The following DDX1 variants were observed in gnomAD, a reference collection of about 807,000 sequenced individuals.
DDX1 encodes the protein DEAD-box helicase 1, also known as ATP-dependent RNA helicase DDX1.
In DDX1, 28 loss-of-function variants were observed where a neutral mutation model predicts 108.7. That is an observed-to-expected ratio of 0.26 (90% CI 0.19 to 0.35). The LOEUF is 0.35. DDX1 is among the 10% of genes least tolerant of loss of function. The pLI, the probability that DDX1 is intolerant of heterozygous loss-of-function variation, is 1.00. For synonymous variants in DDX1, 295 were observed against 288.9 expected (o/e 1.02, Z -0.21); for missense variants, 710 against 884.5 (o/e 0.80, Z 2.50).
intron 2 of DDX1, 128 bp from the exon 3 acceptor site, chr2:15,595,362 T>C (rs1244304956): frequency 7.8e-6 from 7 of 902,168 alleles, no homozygotes; most frequent in African/African-American, 1.7e-5. Flanking sequence ...CCTTGACATA[T>C]TTCTAGTGGA....
intron 4 of DDX1, 132 bp downstream of exon 4, chr2:15,596,895 G>A (rs565282216): frequency 2.7e-5 from 19 of 699,018 alleles, no homozygotes; most frequent in Non-Finnish European, 4.3e-5. Context: ...ACTTGCTACT[G>A]AAAATGATAT....
rs1314747020 is a variant in DDX1 at position 15,630,132 on chromosome 2, A to G, written c.2092+22A>G. On this transcript the variant is annotated intron_variant, in intron 25 of 25. Coordinates refer to ENST00000233084, the MANE Select transcript of DDX1 (RefSeq NM_004939.3). Reference sequence around the variant, plus strand: ...GGTGGTAAGCTTTGAATTATTTTAAATACAATTTTAAATGTAAATATACCT... The same window carrying G: ...GGTGGTAAGCTTTGAATTATTTTAAGTACAATTTTAAATGTAAATATACCT... 1.9e-6 allele frequency: 3 copies of G among 1,610,210 alleles called. No homozygotes were observed. In the African/African-American group the frequency reaches 4.0e-5, roughly 22 times the overall value.
rs1229280312 is a variant in DDX1 at position 15,610,807 on chromosome 2, C to G, written c.957-2417C>G. ...CTTTCGTGACTTTACCGCACTTCAG[C>G]AATAGATACAGCTACGGGGATTTAA... is the stretch of plus-strand genomic sequence containing the variant. On this transcript the variant is annotated intron_variant, in intron 13 of 25. Coordinates refer to ENST00000233084, the MANE Select transcript of DDX1 (RefSeq NM_004939.3). Among the ~76,000 whole-genome samples the G allele has an allele frequency of 2.1e-5, 3 of 142,526 alleles. No homozygotes were observed. In the South Asian group the frequency reaches 6.8e-4, roughly 32 times the overall value. The allele number at this position is 142,526 out of a possible 152,430, so 93.5% of individuals were successfully genotyped here.
At chr2:15,610,376 C>T (rs1417526986) in intron 13 of DDX1, among the ~76,000 whole-genome samples, 2 of 152,116 alleles carry the variant, frequency 1.3e-5, no homozygotes, top group African/African-American at 4.8e-5. Flanking sequence ...TTTGTGTTGT[C>T]TTCTGAGTTT....
At chr2:15,596,799 G>T in intron 4 of DDX1, 36 bp downstream of exon 4, 1 of 1,539,186 alleles carries the variant, frequency 6.5e-7, no homozygotes, top group Non-Finnish European at 8.9e-7. Flanking sequence ...CTCTCTAAAA[G>T]TTGAATTTTA....
chr2:15,599,852 A>T, intron 6 of DDX1, 136 bp downstream of exon 6: 1 of 595,052 alleles, frequency 1.7e-6, no homozygotes, highest in Admixed American at 3.3e-5. Context: ...TAAACAGTAT[A>T]GAACTGACAT....
At chr2:15,593,748 G>A (rs1010032581) in intron 1 of DDX1, among the ~76,000 whole-genome samples, 2 of 151,810 alleles carry the variant, frequency 1.3e-5, no homozygotes, top group African/African-American at 4.8e-5. Context: ...ATCTTCATTA[G>A]TTTATCTGTG....
chr2:15,621,003 A>G, intron 17 of DDX1, 62 bp from the exon 18 acceptor site: 2 of 1,017,988 alleles, frequency 2.0e-6, no homozygotes, highest in Non-Finnish European at 3.0e-6. Flanking sequence ...AAAACATGAC[A>G]TATATTCTGA....
At chr2:15,613,058 C>T (rs557468635) in intron 13 of DDX1, among the ~76,000 whole-genome samples, 166 bp from the exon 14 acceptor site, 28 of 152,096 alleles carry the variant, frequency 1.8e-4, no homozygotes, top group African/African-American at 6.5e-4. Flanking sequence ...GAGAGGGCAG[C>T]GTGTAACCTT....
chr2:15,597,296 A>C, intron 4 of DDX1, 79 bp from the exon 5 acceptor site: 1 of 909,344 alleles, frequency 1.1e-6, no homozygotes, highest in Non-Finnish European at 1.7e-6. Context: ...TGTGTGCATA[A>C]CTTTTGTCAT....
intron 1 of DDX1, 43 bp downstream of exon 1, chr2:15,591,992 C>G: frequency 7.2e-7 from 1 of 1,393,924 alleles, no homozygotes; most frequent in Non-Finnish European, 9.4e-7. Flanking sequence ...CGGCTTGTTG[C>G]ACGCCTCAGC....
At position 15,627,091 on chromosome 2, in the gene DDX1, T is replaced by C; in HGVS notation, c.1632T>C (p.Cys544=). Residue 544 remains cysteine (C), a synonymous_variant, in exon 20 of 26, where the codon TGT becomes TGC. Coordinates refer to ENST00000233084, the MANE Select transcript of DDX1 (RefSeq NM_004939.3). ...DKKGHQFSCV[C]LHGDRKPHER... is the part of the protein sequence containing the mutation. ...AAGGACACCAGTTCTCATGTGTTTG[T>C]CTTCATGGTGACAGAAAGCCTCATG... 2 of 1,612,218 alleles carry C rather than the reference T, an allele frequency of 1.2e-6. No individual in the cohort carries two copies. Among genetic ancestry groups the C allele is most frequent in the Non-Finnish European group, 1.7e-6 (2 of 1,178,878 alleles).
In DDX1 at chr2:15,629,588, C is replaced by G; in HGVS notation, c.1876-14C>G. On this transcript the variant is annotated splice_polypyrimidine_tract_variant and intron_variant, in intron 23 of 25. Coordinates refer to ENST00000233084, the MANE Select transcript of DDX1 (RefSeq NM_004939.3). Reference sequence around the variant, plus strand: ...TCTCCATGCATGTTAATATTTTTTCCTTTTTAAATTTAGGTTTGGTACCAT... The same window carrying G: ...TCTCCATGCATGTTAATATTTTTTCGTTTTTAAATTTAGGTTTGGTACCAT... 3 of 1,569,270 alleles carry G rather than the reference C, an allele frequency of 1.9e-6. No individual in the cohort carries two copies. The highest frequency in any genetic ancestry group is 2.4e-5 in the South Asian group (2 of 83,090).
At chr2:15,612,108 C>T (rs1665778446) in intron 13 of DDX1, among the ~76,000 whole-genome samples, 1 of 145,504 alleles carries the variant, frequency 6.9e-6, no homozygotes, top group South Asian at 2.3e-4. Context: ...CCACCTCCCT[C>T]CCGGACGGGG....
chr2:15,621,819 A>G (rs980793019), intron 18 of DDX1, among the ~76,000 whole-genome samples: 1 of 147,844 alleles, frequency 6.8e-6, no homozygotes, highest in African/African-American at 2.5e-5. Context: ...CCACCTGGCT[A>G]ATTTTTGTGT....
chr2:15,596,865 CA>C (rs1573035741), intron 4 of DDX1, 102 bp downstream of exon 4: 1 of 891,958 alleles, frequency 1.1e-6, no homozygotes, highest in Non-Finnish European at 1.8e-6. Context: ...TAGCAACCTC[CA>C]AAAGGTAAGG....
At chr2:15,607,385 G>T in intron 13 of DDX1, 72 bp downstream of exon 13, 1 of 1,403,560 alleles carries the variant, frequency 7.1e-7, no homozygotes, top group Non-Finnish European at 9.9e-7. Flanking sequence ...GAATAAGGTA[G>T]AGAAAAATGA....
At chr2:15,613,668 T>C (rs761176990) in intron 14 of DDX1, among the ~76,000 whole-genome samples, 40 of 151,976 alleles carry the variant, frequency 2.6e-4, no homozygotes, top group Non-Finnish European at 5.1e-4. Flanking sequence ...CAGTGACTCT[T>C]GGGAAGGATG....
intron 7 of DDX1, 66 bp from the exon 8 acceptor site, chr2:15,603,126 A>G: frequency 9.1e-7 from 1 of 1,099,980 alleles, no homozygotes; most frequent in Non-Finnish European, 1.4e-6. Context: ...CAATGGGAAG[A>G]TGACTTCATG....
Sources: gnomAD v4.1 joint callset for allele counts (sites outside exome capture counted in the v4.1 genomes callset) on GRCh38, gnomAD v4.1.1 for gene constraint, MANE v1.5 for transcripts, NCBI Gene and HGNC (gene_info 2026-07-23, HGNC 2026-07-21) for gene names.